Variants in CFAP92 observed in about 807,000 individuals in gnomAD.
CFAP92 encodes the protein uncharacterized protein CFAP92.
In CFAP92, 86 loss-of-function variants were observed where a neutral mutation model predicts 106.3. The observed-to-expected ratio is 0.81, with a 90% confidence interval of 0.68 to 0.97. The LOEUF (loss-of-function observed/expected upper bound fraction) is 0.97. CFAP92 is among the 50% of genes least tolerant of loss of function. CFAP92 has a pLI of 0.00. For synonymous variants in CFAP92, 477 were observed against 506.4 expected, an observed-to-expected ratio of 0.94 and a Z score of 0.78; for missense variants, 1,204 against 1,283.8, an observed-to-expected ratio of 0.94 and a Z score of 0.95.
chr3:128,947,391 G>A (rs1222444697), intron 9 of CFAP92, among the ~76,000 whole-genome samples: 2 of 152,284 alleles, frequency 1.3e-5, no homozygotes, highest in Admixed American at 1.3e-4. Flanking sequence ...TGTAGATATT[G>A]ATAAACTGAT....
chr3:128,973,368 C>T (rs752752035), intron 7 of CFAP92, among the ~76,000 whole-genome samples: 3 of 152,032 alleles, frequency 2.0e-5, no homozygotes, highest in Non-Finnish European at 2.9e-5. Flanking sequence ...GAACAGATGC[C>T]GCCTGAGGCC....
chr3:129,025,639 T>C, the CFAP92 span, among the ~76,000 whole-genome samples: 1 of 152,156 alleles, frequency 6.6e-6, no homozygotes, highest in Non-Finnish European at 1.5e-5. Flanking sequence ...GGTGGAGCTA[T>C]TATAGCATGT....
At chr3:128,991,112 GACA>G (rs1475647740) in intron 2 of CFAP92, among the ~76,000 whole-genome samples, 1 of 152,098 alleles carries the variant, frequency 6.6e-6, no homozygotes, top group Admixed American at 6.5e-5. Flanking sequence ...GCCTTTAGAG[GACA>G]ACAACAACAA....
chr3:128,993,398 C>T (rs1944342836), intron 1 of CFAP92, 62 bp from the exon 2 acceptor site: 1 of 1,489,142 alleles, frequency 6.7e-7, no homozygotes, highest in Admixed American at 2.1e-5. Flanking sequence ...AGGAGGTAAG[C>T]CCGGCCTCCT....
intron 9 of CFAP92, among the ~76,000 whole-genome samples, chr3:128,949,323 G>T (rs1336481455): frequency 6.6e-6 from 1 of 152,216 alleles, no homozygotes; most frequent in Non-Finnish European, 1.5e-5. Flanking sequence ...GTCCTTTGAT[G>T]AGTGCACGAA....
chr3:128,948,405 G>A (rs1368697131), intron 9 of CFAP92, among the ~76,000 whole-genome samples: 1 of 18,254 alleles, frequency 5.5e-5, no homozygotes, highest in Non-Finnish European at 2.0e-4. Flanking sequence ...TTTTTTTTTT[G>A]TAGAGACAGA....
chr3:129,008,303 A>G, the CFAP92 span, among the ~76,000 whole-genome samples: 7 of 152,346 alleles, frequency 4.6e-5, no homozygotes, highest in South Asian at 1.5e-3. Flanking sequence ...GTAACTCACT[A>G]TGCAAGGTCT....
Position 128,993,422 on chromosome 3 carries a change from C to T in CFAP92, c.-32-86G>A, listed in dbSNP as rs1944344019. 7 of 1,349,796 alleles carry T rather than the reference C, an allele frequency of 5.2e-6. No homozygotes were observed. The East Asian group carries it at 1.8e-4, about 34-fold the overall frequency. 83.6% of individuals were successfully genotyped at this position (1,349,796 alleles called of 1,614,324 possible). ...GCCCGGCCTCCTGCAGAAGCACCCACCCTTCTCTTCCCTGCTTCCCCCGCC... is the reference window on the plus strand; with the variant it reads ...GCCCGGCCTCCTGCAGAAGCACCCATCCTTCTCTTCCCTGCTTCCCCCGCC... On this transcript the variant is annotated intron_variant, in intron 1 of 15. Coordinates refer to ENST00000645291, the MANE Select transcript of CFAP92 (RefSeq NM_001394090.1).
At chr3:129,003,949 C>T, upstream of CFAP92, 1 of 1,415,884 alleles carries the variant, frequency 7.1e-7, no homozygotes. Context: ...TGCGGCGGCG[C>T]GCGGAGGAGG....
At chr3:128,935,005 C>T (rs977943297) in intron 11 of CFAP92, 120 bp downstream of exon 11, 20 of 707,906 alleles carry the variant, frequency 2.8e-5, no homozygotes, top group Non-Finnish European at 4.5e-5. Flanking sequence ...CCTCCCCCCA[C>T]CATCTGTTGG....
chr3:128,967,802 C>T (rs573149829), intron 8 of CFAP92: 2 of 152,306 alleles, frequency 1.3e-5, no homozygotes, highest in African/African-American at 4.8e-5. Context: ...GAGACATACA[C>T]CAGAACAGAA....
chr3:128,991,269 C>T (rs754054748), intron 2 of CFAP92, among the ~76,000 whole-genome samples: 1 of 152,176 alleles, frequency 6.6e-6, no homozygotes, highest in Non-Finnish European at 1.5e-5. Context: ...GTAAAGGCAT[C>T]ATTTTAGACA....
At chr3:128,928,198 A>G (rs1290484857) in intron 12 of CFAP92, among the ~76,000 whole-genome samples, 1 of 152,190 alleles carries the variant, frequency 6.6e-6, no homozygotes, top group Non-Finnish European at 1.5e-5. Flanking sequence ...GCTTGCAGTG[A>G]GCCGAGATCG....
intron 15 of CFAP92, 156 bp downstream of exon 15, chr3:128,914,963 T>C: frequency 1.4e-6 from 1 of 721,204 alleles, no homozygotes; most frequent in Non-Finnish European, 2.2e-6. Flanking sequence ...ATTCAATCTC[T>C]TTTTTCAGAC....
At chr3:128,977,148 A>G in intron 5 of CFAP92, 82 bp from the exon 6 acceptor site, 3 of 1,045,626 alleles carry the variant, frequency 2.9e-6, no homozygotes, top group Non-Finnish European at 4.4e-6. Context: ...CCATTTCTGT[A>G]ATGTCAGTCT....
chr3:129,022,167 G>C, the CFAP92 span, among the ~76,000 whole-genome samples: 1 of 152,186 alleles, frequency 6.6e-6, no homozygotes, highest in Non-Finnish European at 1.5e-5. Context: ...AATATTACCA[G>C]GGGCAGGAGC....
chr3:128,996,726 T>C (rs1460992272), upstream of CFAP92, among the ~76,000 whole-genome samples: 1 of 152,270 alleles, frequency 6.6e-6, no homozygotes, highest in Non-Finnish European at 1.5e-5. Context: ...TGGCCTCGCC[T>C]GGGCTCACTC....
intron 9 of CFAP92, among the ~76,000 whole-genome samples, chr3:128,953,345 C>T (rs1050625630): frequency 4.6e-5 from 7 of 151,978 alleles, no homozygotes; most frequent in Non-Finnish European, 1.0e-4. Flanking sequence ...GAAACCCAGT[C>T]TCTACTAAAA....
intron 4 of CFAP92, 24 bp from the exon 5 acceptor site, chr3:128,978,209 T>C (rs1279934209): frequency 6.2e-7 from 1 of 1,604,722 alleles, no homozygotes; most frequent in Non-Finnish European, 8.5e-7. Context: ...GAAGAAAGGA[T>C]CATTGACTCA....
Sources: gnomAD v4.1 joint callset for allele counts (sites outside exome capture counted in the v4.1 genomes callset) on GRCh38, gnomAD v4.1.1 for gene constraint, MANE v1.5 for transcripts, NCBI Gene and HGNC (gene_info 2026-07-23, HGNC 2026-07-21) for gene names.